Variants in ATM observed in about 807,000 individuals in gnomAD.
ATM encodes serine-protein kinase ATM.
Under a neutral mutation model 387.0 loss-of-function variants are expected in ATM, and 308 were observed. The observed-to-expected ratio is 0.80, with a 90% CI of 0.73 to 0.87. ATM has a LOEUF of 0.87. Ranked by LOEUF, ATM falls within the 40% of genes least tolerant of loss-of-function variation. The pLI, the probability that ATM is intolerant of heterozygous loss-of-function variation, is 0.00. For missense variants in ATM, 3,312 were observed against 3,560.9 expected (o/e 0.93, Z 1.78); for synonymous variants, 1,156 against 1,187.3 (o/e 0.97, Z 0.54).
At chr11:108,352,819 C>T (rs1270658434) in intron 59 of ATM, among the ~76,000 whole-genome samples, 1 of 152,164 alleles carries the variant, frequency 6.6e-6, no homozygotes, top group African/African-American at 2.4e-5. Flanking sequence ...CAAAAGGTTA[C>T]ATACTGTATG....
chr11:108,310,145 C>G lies in ATM; in HGVS notation c.5763-15C>G. 6.2e-7 allele frequency: 1 copy of G among 1,608,426 alleles called. No individual in the cohort carries two copies. The highest frequency in any genetic ancestry group is 8.5e-7 in the Non-Finnish European group (1 of 1,175,636). Reference sequence around the variant, plus strand: ...TTTAAAAAAGTGAATGACATTATATCTCATTTTTCTTTAGACCTTCTTCAG... The same window carrying G: ...TTTAAAAAAGTGAATGACATTATATGTCATTTTTCTTTAGACCTTCTTCAG... On this transcript the variant is annotated splice_polypyrimidine_tract_variant and intron_variant, in intron 38 of 62. Coordinates refer to ENST00000675843, the MANE Select transcript of ATM (RefSeq NM_000051.4).
At chr11:108,262,503 C>A (rs1162776446) in intron 16 of ATM, among the ~76,000 whole-genome samples, 6 of 152,180 alleles carry the variant, frequency 3.9e-5, no homozygotes, top group Admixed American at 1.3e-4. Flanking sequence ...TGGAAAGGAA[C>A]AACCGGTACC....
chr11:108,247,349 A>G (rs1048863715), intron 8 of ATM, among the ~76,000 whole-genome samples: 5 of 152,166 alleles, frequency 3.3e-5, no homozygotes, highest in Non-Finnish European at 7.3e-5. Context: ...GAACTTTTTC[A>G]TTCTTAAATG....
intron 45 of ATM, 61 bp from the exon 46 acceptor site, chr11:108,325,249 G>GTTTTTTTTTTTTTTTTT (rs11366542): frequency 3.5e-6 from 2 of 566,214 alleles, no homozygotes; most frequent in African/African-American, 2.4e-5. Context: ...AACTTACATA[G>GTTTTTTTTTTTTTTTTT]TTTTTTTTTT....
At chr11:108,299,635 A>C in intron 33 of ATM, 79 bp from the exon 34 acceptor site, 12 of 1,394,694 alleles carry the variant, frequency 8.6e-6, no homozygotes, top group Non-Finnish European at 1.1e-5. Flanking sequence ...ACAGCATTAT[A>C]GTTTTGAAAT....
At chr11:108,345,650 C>G in intron 57 of ATM, 93 bp from the exon 58 acceptor site, 1 of 1,042,324 alleles carries the variant, frequency 9.6e-7, no homozygotes. Flanking sequence ...TCTTTATTGC[C>G]CCTATATCTG....
At chr11:108,286,524 C>T (rs562974010) in intron 26 of ATM, among the ~76,000 whole-genome samples, 2 of 152,172 alleles carry the variant, frequency 1.3e-5, no homozygotes, top group Admixed American at 6.5e-5. Context: ...ACTTGGTATA[C>T]ACCCTATGTA....
intron 34 of ATM, 147 bp from the exon 35 acceptor site, chr11:108,301,501 T>C (rs2083427187): frequency 1.0e-6 from 1 of 959,388 alleles, no homozygotes; most frequent in Non-Finnish European, 1.6e-6. Flanking sequence ...CCTTTGATAC[T>C]TTTATTTGAT....
chr11:108,363,623 C>T (rs946548715), intron 61 of ATM, among the ~76,000 whole-genome samples: 1 of 152,128 alleles, frequency 6.6e-6, no homozygotes, highest in Admixed American at 6.6e-5. Context: ...TACAAGTTAG[C>T]CCCCACAGCA....
intron 16 of ATM, among the ~76,000 whole-genome samples, chr11:108,265,078 A>G (rs1317681201): frequency 4.7e-5 from 7 of 149,924 alleles, no homozygotes; most frequent in East Asian, 3.9e-4. Context: ...TACAGATTCA[A>G]TGGCATCCCC....
At chr11:108,270,442 T>C (rs746346475) in intron 18 of ATM, among the ~76,000 whole-genome samples, 1 of 152,128 alleles carries the variant, frequency 6.6e-6, no homozygotes, top group Non-Finnish European at 1.5e-5. Context: ...AAGCTAGACT[T>C]TTACGTTTAT....
At chr11:108,272,413 A>T in intron 20 of ATM, 119 bp from the exon 21 acceptor site, 1 of 854,650 alleles carries the variant, frequency 1.2e-6, no homozygotes, top group Non-Finnish European at 1.9e-6. Context: ...CCACATAATG[A>T]CAAATAAGTT....
At chr11:108,331,295 AGAAAT>A (rs1371489858) in intron 50 of ATM, 144 bp from the exon 51 acceptor site, 13 of 1,401,080 alleles carry the variant, frequency 9.3e-6, no homozygotes, top group Non-Finnish European at 1.2e-5. Flanking sequence ...AGATAAGAAA[AGAAAT>A]GAAGGAAAAC....
chr11:108,284,080 T>G, intron 25 of ATM, 147 bp from the exon 26 acceptor site: 1 of 627,682 alleles, frequency 1.6e-6, no homozygotes, highest in East Asian at 3.1e-5. Flanking sequence ...AATTTTTCCA[T>G]TTATAAAATT....
At chr11:108,338,858 T>C (rs1382785017) in intron 56 of ATM, among the ~76,000 whole-genome samples, 1 of 152,234 alleles carries the variant, frequency 6.6e-6, no homozygotes, top group East Asian at 1.9e-4. Flanking sequence ...CTAAGTGTTC[T>C]TGCCTTTAGT....
intron 42 of ATM, 141 bp from the exon 43 acceptor site, chr11:108,317,232 C>A (rs1421594148): frequency 2.4e-6 from 2 of 818,434 alleles, no homozygotes; most frequent in East Asian, 3.1e-5. Flanking sequence ...AGCCACCACA[C>A]CCAGCTGATA....
chr11:108,259,464 C>T (rs544308128), intron 16 of ATM, among the ~76,000 whole-genome samples: 5 of 151,862 alleles, frequency 3.3e-5, no homozygotes, highest in East Asian at 1.9e-4. Context: ...CCAGCCTAGG[C>T]GACAGAGCGA....
chr11:108,234,771 G>T (rs529231273), intron 4 of ATM, among the ~76,000 whole-genome samples: 1 of 152,010 alleles, frequency 6.6e-6, no homozygotes, highest in Non-Finnish European at 1.5e-5. Context: ...AGCCTGAGAG[G>T]TTGAGGCTGC....
At chr11:108,253,024 C>A in intron 12 of ATM, 112 bp downstream of exon 12, 2 of 962,826 alleles carry the variant, frequency 2.1e-6, no homozygotes, top group Non-Finnish European at 3.1e-6. Flanking sequence ...TAAATTGGTC[C>A]AAAAAAATTG....
Sources: gnomAD v4.1 joint callset for allele counts (sites outside exome capture counted in the v4.1 genomes callset) on GRCh38, gnomAD v4.1.1 for gene constraint, MANE v1.5 for transcripts, NCBI Gene and HGNC (gene_info 2026-07-23, HGNC 2026-07-21) for gene names.